FARS2: variants seen among roughly 807,000 people sequenced by gnomAD.
FARS2 encodes phenylalanyl-tRNA synthetase 2, mitochondrial.
In FARS2, 40 loss-of-function variants were observed where a neutral mutation model predicts 46.4. The observed-to-expected ratio is 0.86, with a 90% CI of 0.67 to 1.12. The LOEUF is 1.12. Among genes scored for constraint, FARS2 ranks in the 50% most tolerant of loss-of-function variants. FARS2 has a pLI of 0.00. For missense variants in FARS2, 513 were observed against 567.9 expected (o/e 0.90, Z 0.98); for synonymous variants, 234 against 214.9 (o/e 1.09, Z -0.78).
At chr6:5,493,209 C>CAAAAAA (rs34541325) in intron 4 of FARS2, among the ~76,000 whole-genome samples, 11 of 92,644 alleles carry the variant, frequency 1.2e-4, no homozygotes, top group East Asian at 4.3e-4. Flanking sequence ...GACTGTGTCT[C>CAAAAAA]AAAAAAAAAA....
intron 5 of FARS2, among the ~76,000 whole-genome samples, chr6:5,576,579 G>GAT (rs1772982580): frequency 7.0e-6 from 1 of 142,006 alleles, no homozygotes; most frequent in African/African-American, 2.7e-5. Flanking sequence ...ATATATCTAT[G>GAT]ATATATACTC....
chr6:5,624,036 G>A (rs923499087), intron 6 of FARS2, among the ~76,000 whole-genome samples: 3 of 152,190 alleles, frequency 2.0e-5, no homozygotes, highest in Non-Finnish European at 2.9e-5. Flanking sequence ...CCAAGGGGAT[G>A]GCCAGACACT....
chr6:5,415,806 AAGCG>A, intron 3 of FARS2, among the ~76,000 whole-genome samples: 1 of 152,124 alleles, frequency 6.6e-6, no homozygotes, highest in East Asian at 1.9e-4. Flanking sequence ...CTCCCAGGTC[AAGCG>A]ATGCGCCCAC....
intron 1 of FARS2, among the ~76,000 whole-genome samples, chr6:5,299,420 C>T (rs1202435624): frequency 6.6e-6 from 1 of 152,104 alleles, no homozygotes; most frequent in Admixed American, 6.5e-5. Context: ...CTTCTGGGCC[C>T]CTGGGATTTG....
At chr6:5,339,579 A>G (rs1283487114) in intron 1 of FARS2, among the ~76,000 whole-genome samples, 16 of 152,060 alleles carry the variant, frequency 1.1e-4, no homozygotes, top group East Asian at 7.8e-4. Flanking sequence ...GGTGCATGCT[A>G]CCTTGCCTGG....
chr6:5,411,255 G>A (rs1456605496), intron 3 of FARS2, among the ~76,000 whole-genome samples: 5 of 152,134 alleles, frequency 3.3e-5, no homozygotes, highest in Non-Finnish European at 7.3e-5. Flanking sequence ...CTCCAGCCTG[G>A]CCAACAGACT....
At chr6:5,477,546 G>A (rs1766195494) in intron 4 of FARS2, among the ~76,000 whole-genome samples, 1 of 152,150 alleles carries the variant, frequency 6.6e-6, no homozygotes, top group Non-Finnish European at 1.5e-5. Flanking sequence ...ATAGTGATTA[G>A]GAACACTGGC....
At chr6:5,268,566 T>TCTGTTTTGGTAACAGTACCATG (rs1320111492) in intron 1 of FARS2, among the ~76,000 whole-genome samples, 23 of 152,234 alleles carry the variant, frequency 1.5e-4, no homozygotes, top group Non-Finnish European at 1.6e-4. Flanking sequence ...GATCTATATC[T>TCTGTTTTGGTAACAGTACCATG]CTGTTTTGGT....
chr6:5,307,194 A>G (rs576982310), intron 1 of FARS2, among the ~76,000 whole-genome samples: 12 of 152,228 alleles, frequency 7.9e-5, no homozygotes, highest in African/African-American at 2.4e-4. Context: ...CTCTTTCCAC[A>G]TGTTGTCCAA....
chr6:5,409,934 C>T (rs965984161), intron 3 of FARS2, among the ~76,000 whole-genome samples: 3 of 152,066 alleles, frequency 2.0e-5, no homozygotes, highest in Non-Finnish European at 2.9e-5. Flanking sequence ...TTGTGACGTC[C>T]GCTGTATTGC....
At chr6:5,447,515 C>T (rs1764248976) in intron 4 of FARS2, among the ~76,000 whole-genome samples, 1 of 152,310 alleles carries the variant, frequency 6.6e-6, no homozygotes, top group Middle Eastern at 3.4e-3. Context: ...TAACCTCTTC[C>T]TCATGGTGGA....
At chr6:5,434,684 A>G (rs867513374) in intron 4 of FARS2, among the ~76,000 whole-genome samples, 2 of 152,134 alleles carry the variant, frequency 1.3e-5, no homozygotes, top group African/African-American at 4.8e-5. Flanking sequence ...CCGAATAGGT[A>G]TACTTTATCC....
In FARS2 at chr6:5,630,768, G is replaced by C. The variant is rs2150717971; in HGVS notation, c.1217+17448G>C. ...ATCAGAGTTCCCCAGCACTGGGGTG[G>C]CCCACTTAAGACAAGCCTCATTAAA... On this transcript the variant is annotated intron_variant, in intron 6 of 6. Coordinates refer to ENST00000274680, the MANE Select transcript of FARS2 (RefSeq NM_006567.5). The surrounding 1 kb of genome is among the most constrained non-coding windows in gnomAD (Gnocchi z 4.2). Among the ~76,000 whole-genome samples, 1 of 152,298 alleles carries C rather than the reference G, an allele frequency of 6.6e-6. No homozygotes were observed. Among genetic ancestry groups the C allele is most frequent in the Non-Finnish European group, 1.5e-5 (1 of 68,028 alleles).
Position 5,545,322 on chromosome 6 carries a change from T to G in FARS2, c.1047T>G (p.Asn349Lys). ...AGCAGTTCTGTGTATCCAACATTAA[T>G]CAGAAGGTGAAGTTTCAGGTAAGAT... ...FLKQFCVSNI[N>K]QKVKFQPLSK... Residue 349 changes from asparagine to lysine, a missense_variant, in exon 5 of 7, where the codon AAT (asparagine) becomes AAG (lysine). By Grantham distance (94) the Asn-to-Lys change is moderately conservative (BLOSUM62 0). Coordinates refer to ENST00000274680, the MANE Select transcript of FARS2 (RefSeq NM_006567.5). 1 of 1,613,622 alleles carries G rather than the reference T, an allele frequency of 6.2e-7. No homozygotes were observed.
intron 1 of FARS2, among the ~76,000 whole-genome samples, chr6:5,319,845 G>T (rs1373130905): frequency 6.6e-6 from 1 of 152,172 alleles, no homozygotes; most frequent in Admixed American, 6.5e-5. Flanking sequence ...AAGCAGGAAA[G>T]CATTCAAGAT....
intron 5 of FARS2, among the ~76,000 whole-genome samples, chr6:5,578,852 G>A (rs1424527223): frequency 2.0e-5 from 3 of 148,786 alleles, no homozygotes; most frequent in Non-Finnish European, 4.4e-5. Flanking sequence ...AAAGAAAACA[G>A]TGGCAAGACG....
chr6:5,627,021 TA>T (rs932590602), intron 6 of FARS2, among the ~76,000 whole-genome samples: 1 of 152,230 alleles, frequency 6.6e-6, no homozygotes, highest in African/African-American at 2.4e-5. Context: ...ACATACTTCA[TA>T]AAAGTGGCAG....
At chr6:5,643,941 C>A (rs1370340314) in intron 6 of FARS2, among the ~76,000 whole-genome samples, 1 of 152,178 alleles carries the variant, frequency 6.6e-6, no homozygotes. Flanking sequence ...AGGCTTTTGG[C>A]CTGACAGTGC....
chr6:5,628,518 G>A (rs936971441), intron 6 of FARS2, among the ~76,000 whole-genome samples: 10 of 152,382 alleles, frequency 6.6e-5, no homozygotes, highest in South Asian at 2.1e-4. Flanking sequence ...CTTTGGCCCC[G>A]TGGACAGATC....
Sources: gnomAD v4.1 joint callset for allele counts (sites outside exome capture counted in the v4.1 genomes callset) on GRCh38, gnomAD v4.1.1 for gene constraint, Gnocchi (gnomAD v3.1) non-coding constraint, MANE v1.5 for transcripts, NCBI Gene and HGNC (gene_info 2026-07-23, HGNC 2026-07-21) for gene names.